TRPM3: variants seen among roughly 807,000 people sequenced by gnomAD.
TRPM3 encodes the protein long transient receptor potential channel 3.
A neutral mutation model predicts 181.2 loss-of-function variants in TRPM3; 77 were observed. That is an observed-to-expected ratio of 0.42 (90% CI 0.35 to 0.51). The LOEUF (loss-of-function observed/expected upper bound fraction) is 0.51. TRPM3 is among the 20% of genes least tolerant of loss of function. The probability of loss-of-function intolerance (pLI) is 0.01; values close to 1 mark genes in which losing one functional copy is unlikely to be tolerated. For synonymous variants in TRPM3, 745 were observed against 796.4 expected, an observed-to-expected ratio of 0.94 and a Z score of 1.09; for missense variants, 1,759 against 2,196.7, an observed-to-expected ratio of 0.80 and a Z score of 3.98.
At chr9:71,325,604 T>C (rs995796020) in intron 1 of TRPM3, among the ~76,000 whole-genome samples, 1 of 152,078 alleles carries the variant, frequency 6.6e-6, no homozygotes, top group Non-Finnish European at 1.5e-5. Flanking sequence ...GGTAAATAAA[T>C]GTGTGAGTTA....
At chr9:70,688,715 T>A (rs2067653586) in intron 8 of TRPM3, among the ~76,000 whole-genome samples, 1 of 152,182 alleles carries the variant, frequency 6.6e-6, no homozygotes, top group Admixed American at 6.5e-5. Context: ...ATTCAGTTCC[T>A]TGCTGAAATA....
chr9:70,821,508 T>C (rs766322688), intron 6 of TRPM3, among the ~76,000 whole-genome samples: 1 of 152,248 alleles, frequency 6.6e-6, no homozygotes, highest in African/African-American at 2.4e-5. Flanking sequence ...ACATGTTTAT[T>C]AAGCAGCTAC....
intron 1 of TRPM3, among the ~76,000 whole-genome samples, chr9:70,898,761 A>AG (rs2096334290): frequency 1.3e-5 from 2 of 148,948 alleles, no homozygotes; most frequent in East Asian, 2.0e-4. Flanking sequence ...AAAAAAAAAA[A>AG]AAAAAGAAAA....
At chr9:71,358,453 A>C (rs923318859) in intron 1 of TRPM3, among the ~76,000 whole-genome samples, 6 of 152,142 alleles carry the variant, frequency 3.9e-5, no homozygotes, top group Non-Finnish European at 8.8e-5. Flanking sequence ...CTGGAAAAAC[A>C]ACTAAGGGAG....
chr9:71,168,502 A>G (rs2076644594), intron 1 of TRPM3, among the ~76,000 whole-genome samples: 1 of 115,406 alleles, frequency 8.7e-6, no homozygotes, highest in African/African-American at 3.3e-5. Flanking sequence ...TTTAGCCCTG[A>G]CATTTTTCTT....
chr9:71,339,569 A>G (rs934873115), intron 1 of TRPM3, among the ~76,000 whole-genome samples: 1 of 152,146 alleles, frequency 6.6e-6, no homozygotes, highest in Non-Finnish European at 1.5e-5. Flanking sequence ...CTGCTGGGTC[A>G]AAGACACACT....
At chr9:71,173,567 T>C (rs757099518) in intron 1 of TRPM3, among the ~76,000 whole-genome samples, 10 of 152,234 alleles carry the variant, frequency 6.6e-5, no homozygotes. Context: ...TGCCACTACA[T>C]TTGGTAGAAC....
At chr9:70,823,795 T>C (rs997799301) in intron 6 of TRPM3, among the ~76,000 whole-genome samples, 1 of 152,260 alleles carries the variant, frequency 6.6e-6, no homozygotes, top group Admixed American at 6.5e-5. Context: ...ACTAAAGGAA[T>C]GACTGAAATT....
At chr9:71,375,462 G>A (rs887509412) in intron 1 of TRPM3, among the ~76,000 whole-genome samples, 5 of 152,108 alleles carry the variant, frequency 3.3e-5, no homozygotes, top group Non-Finnish European at 5.9e-5. Flanking sequence ...ACATAGGCAT[G>A]GGCAAAGATT....
intron 1 of TRPM3, among the ~76,000 whole-genome samples, chr9:71,053,313 C>T (rs1045060396): frequency 6.6e-6 from 1 of 152,160 alleles, no homozygotes; most frequent in African/African-American, 2.4e-5. Context: ...ACCTGTGCAG[C>T]GCTAGTCATC....
At chr9:70,898,799 T>G (rs1249641721) in intron 1 of TRPM3, among the ~76,000 whole-genome samples, 1 of 151,032 alleles carries the variant, frequency 6.6e-6, no homozygotes, top group African/African-American at 2.4e-5. Context: ...AAGAAAAAAT[T>G]TACTGGTTTC....
intron 1 of TRPM3, among the ~76,000 whole-genome samples, chr9:71,147,006 C>G (rs527457354): frequency 2.4e-4 from 37 of 152,082 alleles, no homozygotes; most frequent in African/African-American, 8.5e-4. Context: ...AACCCGTCTG[C>G]GAGGGAAACC....
intron 6 of TRPM3, among the ~76,000 whole-genome samples, chr9:70,822,314 T>G (rs2093246226): frequency 6.6e-6 from 1 of 152,232 alleles, no homozygotes; most frequent in Admixed American, 6.5e-5. Flanking sequence ...GGCTTTCATG[T>G]TGTCCCATTG....
intron 25 of TRPM3, among the ~76,000 whole-genome samples, chr9:70,545,531 G>T (rs372441817): frequency 8.3e-5 from 11 of 133,150 alleles, no homozygotes; most frequent in South Asian, 2.5e-4. Context: ...AGAGAGAAAA[G>T]AATTTTAATT....
chr9:70,797,124 T>C (rs78151706), intron 6 of TRPM3, among the ~76,000 whole-genome samples: 4,047 of 152,238 alleles, frequency 0.027, 79 homozygotes, highest in Middle Eastern at 0.058. Context: ...AGTGAGATCT[T>C]GTCTCTTGAA....
intron 1 of TRPM3, among the ~76,000 whole-genome samples, chr9:70,973,264 A>G (rs959821459): frequency 6.6e-6 from 1 of 152,162 alleles, no homozygotes; most frequent in Non-Finnish European, 1.5e-5. Flanking sequence ...CATACTGACA[A>G]GGCCACTGCT....
chr9:71,445,344 C>G (rs2094189368), intron 1 of TRPM3, among the ~76,000 whole-genome samples: 2 of 152,068 alleles, frequency 1.3e-5, no homozygotes, highest in African/African-American at 4.8e-5. Flanking sequence ...TTCAGAAAAA[C>G]CTATCTTCAG....
chr9:71,291,038 A>G (rs2085765641), intron 1 of TRPM3, among the ~76,000 whole-genome samples: 1 of 152,218 alleles, frequency 6.6e-6, no homozygotes, highest in African/African-American at 2.4e-5. Context: ...ATCCAAATAT[A>G]TACTATTAAC....
intron 1 of TRPM3, among the ~76,000 whole-genome samples, chr9:71,443,189 G>A (rs761460121): frequency 5.3e-5 from 8 of 152,034 alleles, no homozygotes; most frequent in Non-Finnish European, 7.4e-5. Flanking sequence ...CCACTTTACC[G>A]TATCGGAATT....
Sources: gnomAD v4.1 joint callset for allele counts (sites outside exome capture counted in the v4.1 genomes callset) on GRCh38, gnomAD v4.1.1 for gene constraint, MANE v1.5 for transcripts, NCBI Gene and HGNC (gene_info 2026-07-23, HGNC 2026-07-21) for gene names.